SPAG16: variants seen among roughly 807,000 people sequenced by gnomAD.
The protein encoded by SPAG16 is sperm associated antigen 16.
SPAG16 carries 86 observed loss-of-function variants against 80.4 expected under a neutral mutation model. That is an observed-to-expected ratio of 1.07 (90% CI 0.90 to 1.28). The LOEUF is 1.28. SPAG16 is among the 50% of genes most tolerant of loss of function. The pLI, the probability that SPAG16 is intolerant of heterozygous loss-of-function variation, is 0.00. For missense variants in SPAG16, 870 were observed against 765.3 expected (o/e 1.14, Z -1.61); for synonymous variants, 294 against 265.9 (o/e 1.11, Z -1.03).
chr2:213,457,879 AT>A (rs142694019), intron 9 of SPAG16, among the ~76,000 whole-genome samples: 2,093 of 146,490 alleles, frequency 0.014, 44 homozygotes, highest in African/African-American at 0.047. Context: ...CTCTTCTTTT[AT>A]TTTTTTTTTC....
At chr2:213,422,356 C>T in intron 9 of SPAG16, 1 of 688,570 alleles carries the variant, frequency 1.5e-6, no homozygotes, top group Non-Finnish European at 2.7e-6. Context: ...AGTGCCTGTG[C>T]CAGTGCCTGG....
At chr2:214,197,235 C>T (rs1208811048) in intron 15 of SPAG16, among the ~76,000 whole-genome samples, 1 of 151,922 alleles carries the variant, frequency 6.6e-6, no homozygotes, top group East Asian at 1.9e-4. Flanking sequence ...AAACACTGTT[C>T]AGTCATTTTG....
chr2:213,629,067 A>G (rs1258869754), intron 10 of SPAG16, among the ~76,000 whole-genome samples: 1 of 152,234 alleles, frequency 6.6e-6, no homozygotes, highest in Non-Finnish European at 1.5e-5. Context: ...CAACTTTTTC[A>G]GAGGAAGAAA....
At chr2:214,005,429 C>T (rs2046984876) in intron 12 of SPAG16, among the ~76,000 whole-genome samples, 1 of 152,166 alleles carries the variant, frequency 6.6e-6, no homozygotes, top group East Asian at 1.9e-4. Context: ...CATTTGGGAA[C>T]AATGTTCAAT....
At chr2:214,040,359 G>C (rs35037228) in intron 13 of SPAG16, among the ~76,000 whole-genome samples, 16,650 of 152,064 alleles carry the variant, frequency 0.11, 1,144 homozygotes, top group East Asian at 0.28. Context: ...AGGTATACTT[G>C]TGTCATAGGG....
chr2:213,347,129 G>A (rs1254713201), intron 6 of SPAG16, among the ~76,000 whole-genome samples: 2 of 151,996 alleles, frequency 1.3e-5, no homozygotes, highest in Admixed American at 6.6e-5. Flanking sequence ...TGTATATGTC[G>A]AGGAATTTAT....
intron 12 of SPAG16, among the ~76,000 whole-genome samples, chr2:213,945,145 T>A (rs116375987): frequency 0.013 from 1,961 of 151,560 alleles, 38 homozygotes; most frequent in African/African-American, 0.045. Flanking sequence ...GGTACAGAAC[T>A]AATAGGATAT....
chr2:213,588,152 C>G (rs1241142114), intron 10 of SPAG16, among the ~76,000 whole-genome samples: 1 of 152,116 alleles, frequency 6.6e-6, no homozygotes, highest in Non-Finnish European at 1.5e-5. Context: ...TTAAAATTGT[C>G]ACCTGAGTAG....
At chr2:213,573,378 T>C (rs919708452) in intron 10 of SPAG16, among the ~76,000 whole-genome samples, 1 of 152,268 alleles carries the variant, frequency 6.6e-6, no homozygotes, top group Non-Finnish European at 1.5e-5. Flanking sequence ...GACATCTCTC[T>C]GTTCTTCAAC....
chr2:213,801,005 CATT>C (rs1267718045), intron 10 of SPAG16, among the ~76,000 whole-genome samples: 1 of 152,156 alleles, frequency 6.6e-6, no homozygotes, highest in South Asian at 2.1e-4. Context: ...GATATCCCAT[CATT>C]ATCACCAATA....
chr2:214,208,345 G>T (rs1474579312), intron 15 of SPAG16, among the ~76,000 whole-genome samples: 1 of 152,058 alleles, frequency 6.6e-6, no homozygotes, highest in Non-Finnish European at 1.5e-5. Context: ...AGTTGGTTTT[G>T]GAGTTTCTGG....
At chr2:213,318,895 C>T (rs926420426) in intron 5 of SPAG16, among the ~76,000 whole-genome samples, 1 of 151,570 alleles carries the variant, frequency 6.6e-6, no homozygotes, top group African/African-American at 2.4e-5. Context: ...TGAAAGGAAA[C>T]CTTTGTTTTG....
intron 15 of SPAG16, among the ~76,000 whole-genome samples, chr2:214,341,155 G>C (rs1697663050): frequency 6.6e-6 from 1 of 152,134 alleles, no homozygotes; most frequent in Non-Finnish European, 1.5e-5. Flanking sequence ...GGAAAGCTAT[G>C]ATTGCTAAAG....
chr2:213,461,069 G>A (rs1227067745), intron 9 of SPAG16, among the ~76,000 whole-genome samples: 1 of 152,114 alleles, frequency 6.6e-6, no homozygotes. Context: ...TTGTGGTAGA[G>A]CCATTTGTTC....
intron 14 of SPAG16, among the ~76,000 whole-genome samples, chr2:214,135,086 C>T (rs2054976931): frequency 6.6e-6 from 1 of 152,150 alleles, no homozygotes. Context: ...CTAGAAGATA[C>T]TTTCTTAGAT....
intron 13 of SPAG16, among the ~76,000 whole-genome samples, chr2:214,080,525 G>A (rs1411521972): frequency 2.7e-5 from 4 of 150,036 alleles, no homozygotes; most frequent in East Asian, 1.9e-4. Flanking sequence ...GGAGAATGGC[G>A]TGAACCTGGG....
intron 3 of SPAG16, among the ~76,000 whole-genome samples, chr2:213,309,839 G>A (rs1271615592): frequency 6.6e-6 from 1 of 151,794 alleles, no homozygotes; most frequent in African/African-American, 2.4e-5. Context: ...TTCATATTCT[G>A]TCTCCATCCA....
intron 10 of SPAG16, among the ~76,000 whole-genome samples, chr2:213,664,706 G>A (rs941901641): frequency 7.2e-5 from 11 of 151,954 alleles, no homozygotes; most frequent in African/African-American, 2.7e-4. Context: ...AGGATTCTTG[G>A]ATTCTCAGAC....
At chr2:213,590,839 C>T (rs1438017357) in intron 10 of SPAG16, among the ~76,000 whole-genome samples, 1 of 152,128 alleles carries the variant, frequency 6.6e-6, no homozygotes, top group Non-Finnish European at 1.5e-5. Flanking sequence ...ACCAAAAAGA[C>T]ACCTACACTC....
Sources: allele counts gnomAD v4.1 joint callset (sites outside exome capture counted in the v4.1 genomes callset), GRCh38; gene constraint gnomAD v4.1.1; transcripts MANE v1.5; gene names NCBI Gene and HGNC (gene_info 2026-07-23, HGNC 2026-07-21).